DNAJA4: variants seen among roughly 807,000 people sequenced by gnomAD.
DNAJA4 encodes dnaJ homolog subfamily A member 4.
Under a neutral mutation model 39.7 loss-of-function variants are expected in DNAJA4, and 32 were observed. The ratio of observed to expected loss-of-function variants is 0.81; its 90% confidence interval spans 0.61 to 1.08. The LOEUF (loss-of-function observed/expected upper bound fraction) is 1.08. Ranked by LOEUF, DNAJA4 falls within the 50% of genes least tolerant of loss-of-function variation. The probability of loss-of-function intolerance (pLI) is 0.00; values close to 1 mark genes in which losing one functional copy is unlikely to be tolerated. For synonymous variants in DNAJA4, 184 were observed against 182.4 expected (o/e 1.01, Z -0.07); for missense variants, 439 against 505.1 (o/e 0.87, Z 1.25).
At chr15:78,265,736 C>G (rs575974876) in intron 1 of DNAJA4, 154 of 684,966 alleles carry the variant, frequency 2.2e-4, no homozygotes, top group South Asian at 9.5e-4. Context: ...CCCGTTCCTC[C>G]TTTCACTTCT....
At chr15:78,264,328 C>G, upstream of DNAJA4, 3 of 1,419,468 alleles carry the variant, frequency 2.1e-6, no homozygotes, top group Non-Finnish European at 2.8e-6. Flanking sequence ...CCCGGGGCGG[C>G]AGTCAGAGCT....
chr15:78,269,190 A>G (rs1401449282), intron 1 of DNAJA4, among the ~76,000 whole-genome samples: 2 of 152,152 alleles, frequency 1.3e-5, no homozygotes, highest in Non-Finnish European at 2.9e-5. Flanking sequence ...GACGTGGGCC[A>G]CCTTGTAGAG....
upstream of DNAJA4, chr15:78,264,559 T>C: frequency 2.5e-6 from 3 of 1,200,434 alleles, no homozygotes; most frequent in Non-Finnish European, 3.1e-6. Flanking sequence ...AGCCGGTGGC[T>C]CTAGTGCGGT....
In DNAJA4 at chr15:78,280,028, G is replaced by A; in HGVS notation, c.878-17G>A. The A allele has an allele frequency of 6.2e-7, 1 of 1,613,356 alleles. No individual in the cohort carries two copies. Among genetic ancestry groups the A allele is most frequent in the South Asian group, 1.1e-5 (1 of 91,010 alleles). On this transcript the variant is annotated splice_polypyrimidine_tract_variant and intron_variant, in intron 5 of 6. Transcript: ENST00000394852. ...CCCTCTGCCTTCCTCCTTCCTAATT[G>A]ACCCTTTCTCTGGCAGGTGAGGTGA...
intron 1 of DNAJA4, among the ~76,000 whole-genome samples, chr15:78,267,194 GTGTGTA>G (rs2049160879): frequency 1.3e-5 from 2 of 151,282 alleles, no homozygotes; most frequent in African/African-American, 4.9e-5. Flanking sequence ...GTGTGTGTGA[GTGTGTA>G]TGTGAGTGTG....
chr15:78,276,732 C>T (rs2049472174), intron 5 of DNAJA4, among the ~76,000 whole-genome samples: 1 of 152,196 alleles, frequency 6.6e-6, no homozygotes, highest in South Asian at 2.1e-4. Flanking sequence ...TTTCTATGGC[C>T]ATTTGAGGTT....
At chr15:78,264,194 C>G (rs1001593403), upstream of DNAJA4, 5 of 673,712 alleles carry the variant, frequency 7.4e-6, no homozygotes, top group East Asian at 1.7e-4. Context: ...CTCCAGGCCG[C>G]CTACTCTCCA....
chr15:78,273,256 A>T, intron 3 of DNAJA4, 57 bp downstream of exon 3: 1 of 1,028,472 alleles, frequency 9.7e-7, no homozygotes, highest in Non-Finnish European at 1.5e-6. Flanking sequence ...TTCAGAAACA[A>T]TGCTTGTTTT....
intron 2 of DNAJA4, 137 bp downstream of exon 2, chr15:78,270,814 T>C (rs181386967): frequency 1.9e-4 from 185 of 957,138 alleles, no homozygotes; most frequent in South Asian, 5.4e-4. Flanking sequence ...TTTCAGCACT[T>C]TGGGAGGCCA....
chr15:78,269,840 ACT>A (rs937558462), intron 1 of DNAJA4, among the ~76,000 whole-genome samples: 29 of 152,058 alleles, frequency 1.9e-4, no homozygotes, highest in African/African-American at 6.8e-4. Flanking sequence ...TCCAGTGGTA[ACT>A]TTTTGGCAGG....
At chr15:78,270,823 C>A in intron 2 of DNAJA4, 146 bp downstream of exon 2, 5 of 863,732 alleles carry the variant, frequency 5.8e-6, no homozygotes, top group Non-Finnish European at 6.7e-6. Flanking sequence ...TTTGGGAGGC[C>A]AAGGTGGGAG....
In DNAJA4 at chr15:78,265,648, T is replaced by C. The variant is rs550462062; in HGVS notation, c.132+753T>C. 41 of 702,378 alleles carry C rather than the reference T, an allele frequency of 5.8e-5. No homozygotes were observed. The African/African-American group carries it at 6.3e-4, about 11-fold the overall frequency. The allele number at this position is 702,378 out of a possible 1,614,324, so 43.5% of individuals were successfully genotyped here. On this transcript the variant is annotated intron_variant, in intron 1 of 6. Coordinates refer to ENST00000394852, the MANE Select transcript of DNAJA4 (RefSeq NM_001130182.2). ...TCCTGTTTACAGAAAGTTTGCTTTT[T>C]ATCTCTAAAGAGGCTCATGACCCAC...
intron 2 of DNAJA4, among the ~76,000 whole-genome samples, chr15:78,271,218 G>A (rs560818438): frequency 6.6e-6 from 1 of 152,234 alleles, no homozygotes; most frequent in Non-Finnish European, 1.5e-5. Flanking sequence ...GTAGCGAATG[G>A]AGTGGTGGAT....
intron 5 of DNAJA4, among the ~76,000 whole-genome samples, chr15:78,277,049 A>G (rs531318902): frequency 5.3e-4 from 81 of 152,374 alleles, no homozygotes; most frequent in African/African-American, 1.8e-3. Context: ...TTATTTGGAA[A>G]CAATTTCAAG....
chr15:78,270,272 C>T (rs577624196), intron 1 of DNAJA4: 9 of 476,298 alleles, frequency 1.9e-5, no homozygotes, highest in South Asian at 1.2e-4. Context: ...TTATTCTTAT[C>T]GTGTCCCTAC....
chr15:78,273,655 G>A (rs780383984), intron 3 of DNAJA4, among the ~76,000 whole-genome samples: 5 of 152,206 alleles, frequency 3.3e-5, no homozygotes, highest in Admixed American at 6.5e-5. Context: ...GAATGGACAT[G>A]CCTATGTTCC....
chr15:78,274,850 C>T (rs7175842), intron 4 of DNAJA4: 16 of 215,122 alleles, frequency 7.4e-5, no homozygotes, highest in African/African-American at 3.7e-4. Flanking sequence ...TCCACATTTC[C>T]CCATGTGCTG....
At chr15:78,270,043 G>A (rs1387015068) in intron 1 of DNAJA4, 1 of 153,708 alleles carries the variant, frequency 6.5e-6, no homozygotes, top group Non-Finnish European at 1.4e-5. Flanking sequence ...CTGGCACGTG[G>A]TTAGATGCTC....
At chr15:78,266,374 G>T in intron 1 of DNAJA4, 1 of 1,276,994 alleles carries the variant, frequency 7.8e-7, no homozygotes, top group African/African-American at 1.5e-5. Context: ...AATTAGACTT[G>T]ACCTGTACTA....
Sources: gnomAD v4.1 joint callset for allele counts (sites outside exome capture counted in the v4.1 genomes callset) on GRCh38, gnomAD v4.1.1 for gene constraint, MANE v1.5 for transcripts, NCBI Gene and HGNC (gene_info 2026-07-23, HGNC 2026-07-21) for gene names.